The following BRD3 variants were observed in gnomAD, a reference collection of about 807,000 sequenced individuals.
The protein encoded by BRD3 is bromodomain-containing protein 3.
A neutral mutation model predicts 66.8 loss-of-function variants in BRD3; 17 were observed. The observed-to-expected ratio is 0.25, with a 90% CI of 0.17 to 0.38. BRD3 has a LOEUF of 0.38. Among genes scored for constraint, BRD3 ranks in the 10% least tolerant of loss-of-function variants. BRD3 has a pLI of 1.00. For synonymous variants in BRD3, 421 were observed against 393.2 expected (o/e 1.07, Z -0.84); for missense variants, 713 against 956.1 (o/e 0.75, Z 3.35).
At chr9:134,050,708 C>A (rs937233412) in intron 4 of BRD3, 120 bp from the exon 5 acceptor site, 4 of 765,690 alleles carry the variant, frequency 5.2e-6, no homozygotes, top group Admixed American at 2.6e-5. Context: ...GACCGCCGGC[C>A]AGAAGAACCC....
chr9:134,046,684 T>C (rs1279213771), intron 6 of BRD3, among the ~76,000 whole-genome samples: 2 of 152,170 alleles, frequency 1.3e-5, no homozygotes, highest in Non-Finnish European at 1.5e-5. Flanking sequence ...GAGGCCTCTC[T>C]CCCTGATTCA....
At chr9:134,047,082 C>T (rs1037950196) in intron 6 of BRD3, among the ~76,000 whole-genome samples, 1 of 152,236 alleles carries the variant, frequency 6.6e-6, no homozygotes, top group South Asian at 2.1e-4. Context: ...TGGAGCCAGG[C>T]GGCCCCGCTC....
At position 134,041,964 on chromosome 9, in the gene BRD3, A is replaced by G. The variant is rs201976234; in HGVS notation, c.1216-13T>C. 1.3e-5 allele frequency: 20 copies of G among 1,560,748 alleles called. No individual in the cohort carries two copies. Among genetic ancestry groups the G allele is most frequent in the Non-Finnish European group, 1.6e-5 (18 of 1,150,724 alleles). Reference sequence around the variant, plus strand: ...TCTCAAACACGTCCTGCGGCAGAACAGAGGCTGCCCTGAAGACATGGGTGC... The same window carrying G: ...TCTCAAACACGTCCTGCGGCAGAACGGAGGCTGCCCTGAAGACATGGGTGC... On this transcript the variant is annotated splice_polypyrimidine_tract_variant and intron_variant, in intron 7 of 11. Transcript: ENST00000303407.
In BRD3 at chr9:134,045,445, C is replaced by T. The variant is rs1470159421; in HGVS notation, c.1087-24G>A. 1.5e-5 allele frequency: 24 copies of T among 1,612,766 alleles called. No individual in the cohort carries two copies. Among genetic ancestry groups the T allele is most frequent in the Non-Finnish European group, 1.9e-5 (23 of 1,179,820 alleles). ...CTCTGCAACACACAGTGACAGGGGC[C>T]AGTGAGCGTGGCCCGTGGCATCAGG... is the stretch of plus-strand genomic sequence containing the variant. On this transcript the variant is annotated intron_variant, in intron 6 of 11. Coordinates refer to ENST00000303407, the MANE Select transcript of BRD3 (RefSeq NM_007371.4). The surrounding 1 kb of genome is among the most constrained non-coding windows in gnomAD (Gnocchi z 4.8).
At chr9:134,051,455 C>G (rs533565078) in intron 4 of BRD3, 107 bp downstream of exon 4, 2 of 1,254,418 alleles carry the variant, frequency 1.6e-6, no homozygotes, top group Non-Finnish European at 2.1e-6. Flanking sequence ...GAGCTCGTCA[C>G]GACAGATGGG....
intron 1 of BRD3, among the ~76,000 whole-genome samples, chr9:134,055,400 C>A (rs2132439033): frequency 6.6e-6 from 1 of 152,290 alleles, no homozygotes; most frequent in East Asian, 1.9e-4. Context: ...TTGCGGCCCT[C>A]CCTCAAGGCC....
chr9:134,048,600 G>C, intron 5 of BRD3, 146 bp from the exon 6 acceptor site: 1 of 1,250,518 alleles, frequency 8.0e-7, no homozygotes, highest in Non-Finnish European at 1.1e-6. Context: ...AGGACACCAA[G>C]GCTCAGGGGC....
intron 9 of BRD3, among the ~76,000 whole-genome samples, chr9:134,036,774 C>T (rs1472044927): frequency 2.0e-5 from 3 of 151,932 alleles, no homozygotes; most frequent in Non-Finnish European, 1.5e-5. Flanking sequence ...TTTGGGAGGC[C>T]GAGGCGGGTG....
chr9:134,040,462 C>T (rs567329846), intron 8 of BRD3, among the ~76,000 whole-genome samples, 193 bp from the exon 9 acceptor site: 13 of 152,324 alleles, frequency 8.5e-5, no homozygotes, highest in African/African-American at 2.4e-4. Context: ...GAGCCCTCTC[C>T]GCCTCGGCTT....
rs553082723 is a variant in BRD3, at chr9:134,064,399, G to A, written c.-114+3546C>T. The stretch of plus-strand genomic sequence containing the variant: ...AAAAAAAATTAAAAAAAATAGCCAG[G>A]CGTGGTGGCGGGCACCTGTAATCCC... On this transcript the variant is annotated intron_variant, in intron 1 of 11. Transcript: ENST00000303407. Among the ~76,000 whole-genome samples, 9 of 152,080 alleles carry A rather than the reference G, an allele frequency of 5.9e-5. No individual in the cohort carries two copies. In the South Asian group the frequency reaches 1.9e-3, roughly 32 times the overall value.
intron 1 of BRD3, among the ~76,000 whole-genome samples, chr9:134,065,125 T>G (rs1418880671): frequency 6.6e-6 from 1 of 152,164 alleles, no homozygotes; most frequent in East Asian, 1.9e-4. Flanking sequence ...ACTGGCTTCG[T>G]GATATAAGGG....
intron 1 of BRD3, among the ~76,000 whole-genome samples, chr9:134,060,728 T>G (rs1022972702): frequency 6.6e-6 from 1 of 152,062 alleles, no homozygotes; most frequent in Non-Finnish European, 1.5e-5. Context: ...TCATGCCCCA[T>G]CCAAGAGAGG....
At chr9:134,046,972 G>A (rs142613321) in intron 6 of BRD3, among the ~76,000 whole-genome samples, 231 of 152,338 alleles carry the variant, frequency 1.5e-3, no homozygotes, top group Non-Finnish European at 2.9e-3. Context: ...ACTGTGCTAT[G>A]GTAGAGACAC....
rs887655096 is a variant in BRD3 at position 134,031,196 on chromosome 9, C to T, written c.*2394G>A. On this transcript the variant is annotated 3_prime_UTR_variant, in exon 12 of 12. Coordinates refer to ENST00000303407, the MANE Select transcript of BRD3 (RefSeq NM_007371.4). ...AGGAGCAGAGGCGAGCCGACGCCAC[C>T]GTCACAGAGAACCAGCCGAGAAGGA... The T allele has an allele frequency of 5.0e-5, 11 of 221,842 alleles. No homozygotes were observed. Among genetic ancestry groups the T allele is most frequent in the South Asian group, 1.8e-4 (1 of 5,426 alleles). 13.7% of individuals were successfully genotyped at this position (221,842 alleles called of 1,614,324 possible).
chr9:134,050,627 C>G, intron 4 of BRD3, 39 bp from the exon 5 acceptor site: 1 of 1,542,578 alleles, frequency 6.5e-7, no homozygotes, highest in Non-Finnish European at 8.9e-7. Flanking sequence ...CACCAGGCTC[C>G]ACTAGTATTT....
Position 134,053,298 on chromosome 9 carries a change from G to A in BRD3, c.180C>T (p.Tyr60=), listed in dbSNP as rs1158316788. 1.2e-6 allele frequency: 2 copies of A among 1,613,480 alleles called. No individual in the cohort carries two copies. The highest frequency in any genetic ancestry group is 2.7e-5 in the African/African-American group (2 of 74,934). Residue 60 remains tyrosine (Y), a synonymous_variant, in exon 2 of 12, where the codon TAC becomes TAT. Transcript: ENST00000303407. ...LWKHQFAWPF[Y]QPVDAIKLNL... ...TCAATTTGATTGCGTCCACGGGCTG[G>A]TAGAAGGGCCAGGCGAACTGGTGTT...
chr9:134,047,811 G>T (rs934859265), intron 6 of BRD3, among the ~76,000 whole-genome samples: 1 of 152,246 alleles, frequency 6.6e-6, no homozygotes, highest in African/African-American at 2.4e-5. Flanking sequence ...AGAATGGGAG[G>T]TAGGAATGAA....
chr9:134,060,112 C>T (rs948621314), intron 1 of BRD3, among the ~76,000 whole-genome samples: 3 of 152,230 alleles, frequency 2.0e-5, no homozygotes, highest in African/African-American at 7.2e-5. Context: ...CCCACAGGCA[C>T]TGCCTGCCGG....
intron 10 of BRD3, 99 bp downstream of exon 10, chr9:134,035,933 G>C (rs1829898350): frequency 4.8e-6 from 7 of 1,464,056 alleles, no homozygotes; most frequent in Non-Finnish European, 5.5e-6. Context: ...GCAGCCCTGT[G>C]CCCAAGCTCG....
Sources: allele counts gnomAD v4.1 joint callset (sites outside exome capture counted in the v4.1 genomes callset), GRCh38; gene constraint gnomAD v4.1.1; non-coding constraint Gnocchi (gnomAD v3.1); transcripts MANE v1.5; gene names NCBI Gene and HGNC (gene_info 2026-07-23, HGNC 2026-07-21).